JMY: variants seen among roughly 807,000 people sequenced by gnomAD.
JMY encodes junction-mediating and -regulatory protein.
In JMY, 46 loss-of-function variants were observed where a neutral mutation model predicts 103.3. The observed-to-expected ratio is 0.45, with a 90% CI of 0.35 to 0.57. The LOEUF (loss-of-function observed/expected upper bound fraction) is 0.57, where lower values mean the gene tolerates loss of function less well. Ranked by LOEUF, JMY falls within the 20% of genes least tolerant of loss-of-function variation. JMY has a pLI of 0.00. For synonymous variants in JMY, 526 were observed against 489.3 expected, an observed-to-expected ratio of 1.07 and a Z score of -0.99; for missense variants, 1,238 against 1,255.2, an observed-to-expected ratio of 0.99 and a Z score of 0.21.
intron 10 of JMY, among the ~76,000 whole-genome samples, chr5:79,318,800 A>T (rs1417642593): frequency 4.7e-5 from 1 of 21,422 alleles, no homozygotes; most frequent in Non-Finnish European, 9.9e-5. Flanking sequence ...AGAGAGAGAG[A>T]GAGGGATGCA....
chr5:79,293,927 C>T (rs1333793984), intron 4 of JMY, among the ~76,000 whole-genome samples: 2 of 152,048 alleles, frequency 1.3e-5, no homozygotes, highest in Non-Finnish European at 2.9e-5. Context: ...TATTGTTAAT[C>T]CAGGTTATCA....
chr5:79,249,319 C>T (rs989209961), intron 1 of JMY, among the ~76,000 whole-genome samples: 1 of 152,124 alleles, frequency 6.6e-6, no homozygotes, highest in African/African-American at 2.4e-5. Context: ...ACCGTGCCTG[C>T]CCTTGTGAAT....
intron 10 of JMY, among the ~76,000 whole-genome samples, chr5:79,319,186 C>T (rs1747357364): frequency 6.6e-6 from 1 of 152,216 alleles, no homozygotes; most frequent in African/African-American, 2.4e-5. Context: ...GGATGTTACT[C>T]ATAGCTTCTG....
rs1462289055 is a variant in JMY at position 79,300,789 on chromosome 5, C to T, written c.1807C>T (p.Gln603Ter). The T allele has an allele frequency of 6.2e-7, 1 of 1,611,700 alleles. No individual in the cohort carries two copies. Residue 603 changes from glutamine to a stop codon, truncating the protein, a stop_gained, in exon 6 of 11, where the codon CAG (glutamine) becomes TAG (stop). Coordinates refer to ENST00000396137, the MANE Select transcript of JMY (RefSeq NM_152405.5). LOFTEE classifies it high-confidence loss of function. The part of the protein sequence containing the change: ...YLQREELQKL[Q>*]QKARQLEARR... ...ACAGAGAGAAGAGCTGCAGAAACTT[C>T]AGCAGAAAGCACGCCAGCTGGAAGC...
chr5:79,276,226 C>A (rs1309040205), intron 1 of JMY, among the ~76,000 whole-genome samples: 1 of 152,108 alleles, frequency 6.6e-6, no homozygotes, highest in African/African-American at 2.4e-5. Flanking sequence ...TCAAGTGATT[C>A]TCCTGCCTCA....
At chr5:79,267,441 T>C (rs974738245) in intron 1 of JMY, among the ~76,000 whole-genome samples, 12 of 151,636 alleles carry the variant, frequency 7.9e-5, no homozygotes, top group African/African-American at 2.9e-4. Flanking sequence ...TTTTACTCTC[T>C]GTAGTTTGGC....
At chr5:79,302,041 C>T (rs1024626041) in intron 6 of JMY, among the ~76,000 whole-genome samples, 1 of 146,422 alleles carries the variant, frequency 6.8e-6, no homozygotes, top group African/African-American at 2.6e-5. Context: ...CAAGATGGCA[C>T]CATTGCACTC....
Position 79,284,438 on chromosome 5 carries a change from C to T in JMY, c.1207-5683C>T, listed in dbSNP as rs150645911. The T allele has an allele frequency of 2.1e-4, 316 of 1,534,028 alleles. No individual in the cohort carries two copies. The African/African-American group carries it at 3.7e-3, about 18-fold the overall frequency. On this transcript the variant is annotated intron_variant, in intron 2 of 10. Coordinates refer to ENST00000396137, the MANE Select transcript of JMY (RefSeq NM_152405.5). The stretch of plus-strand genomic sequence containing the variant: ...TTCCATCATCTTCTTCCGGATTTGG[C>T]GGACCCGTTGGTGCTGGGCATAAGA...
intron 2 of JMY, chr5:79,284,145 T>G (rs895277828): frequency 1.7e-5 from 27 of 1,556,018 alleles, no homozygotes; most frequent in Non-Finnish European, 2.3e-5. Context: ...AACAGATTCT[T>G]GGACTGGTGG....
At position 79,291,118 on chromosome 5, in the gene JMY, AATT is replaced by A; in HGVS notation, c.1358-7_1358-5del. On this transcript the variant is annotated splice_polypyrimidine_tract_variant and intron_variant, in intron 3 of 10. Transcript: ENST00000396137. ...TATTTGTCTTAATTTCTCTTTAAAA[AATT>A]ATTAATAGCTGTGTATGATCGAATG... The A allele has an allele frequency of 2.6e-6, 4 of 1,532,574 alleles. No homozygotes were observed. Among genetic ancestry groups the A allele is most frequent in the Non-Finnish European group, 3.5e-6 (4 of 1,141,822 alleles). 94.9% of individuals were successfully genotyped at this position (1,532,574 alleles called of 1,614,324 possible).
chr5:79,270,442 A>G lies in JMY; in HGVS notation c.1033-7468A>G, dbSNP rs1457272058. On this transcript the variant is annotated intron_variant, in intron 1 of 10. Transcript: ENST00000396137. Reference sequence around the variant, plus strand: ...ATATATATTTACATAAATATTTAAAATATATATTTACATAAATATTTAAAA... The same window carrying G: ...ATATATATTTACATAAATATTTAAAGTATATATTTACATAAATATTTAAAA... 9.2e-4 allele frequency among the ~76,000 whole-genome samples: 25 copies of G among 27,262 alleles called. 1 individual carries two copies. Among genetic ancestry groups the G allele is most frequent in the African/African-American group, 2.0e-3 (22 of 10,764 alleles). The allele number at this position is 27,262 out of a possible 152,430, so 17.9% of individuals were successfully genotyped here. A position where few individuals can be genotyped will look rare whatever the true frequency, so the allele number is the denominator to read the frequency against.
At chr5:79,285,184 C>CT (rs1364436235) in intron 2 of JMY, among the ~76,000 whole-genome samples, 4 of 152,134 alleles carry the variant, frequency 2.6e-5, no homozygotes, top group African/African-American at 9.7e-5. Flanking sequence ...TGCCAGTTGT[C>CT]TCCTAGTAAA....
At chr5:79,315,944 T>G in intron 9 of JMY, 56 bp from the exon 10 acceptor site, 1 of 1,464,984 alleles carries the variant, frequency 6.8e-7, no homozygotes, top group Non-Finnish European at 9.4e-7. Flanking sequence ...TTATACAGTT[T>G]CATTCTAATT....
intron 1 of JMY, among the ~76,000 whole-genome samples, chr5:79,254,373 G>C (rs1243632819): frequency 6.6e-6 from 1 of 152,084 alleles, no homozygotes; most frequent in East Asian, 1.9e-4. Context: ...GCTTTTGTCA[G>C]GGAAAGTCTT....
At chr5:79,273,051 G>A (rs570123221) in intron 1 of JMY, among the ~76,000 whole-genome samples, 70 of 152,210 alleles carry the variant, frequency 4.6e-4, no homozygotes, top group Middle Eastern at 3.4e-3. Context: ...CAGTACAGTC[G>A]TATGATTTTT....
intron 10 of JMY, among the ~76,000 whole-genome samples, chr5:79,318,174 C>CT (rs35595124): frequency 0.55 from 79,670 of 145,892 alleles, 21,519 homozygotes; most frequent in Non-Finnish European, 0.59. Context: ...GCTCTTTTTT[C>CT]TTTTTTTTTT....
chr5:79,277,644 C>CA (rs1003796753), intron 1 of JMY, among the ~76,000 whole-genome samples: 58 of 139,088 alleles, frequency 4.2e-4, no homozygotes, highest in Non-Finnish European at 5.1e-4. Context: ...GTCTCAAAAA[C>CA]AAAAAAAAAA....
At chr5:79,252,426 A>G (rs1451644141) in intron 1 of JMY, among the ~76,000 whole-genome samples, 1 of 151,996 alleles carries the variant, frequency 6.6e-6, no homozygotes, top group Non-Finnish European at 1.5e-5. Context: ...AAGGAAAAGA[A>G]CATGTATTCT....
At position 79,291,249 on chromosome 5, in the gene JMY, A is replaced by C. The variant is rs774241777; in HGVS notation, c.1477A>C (p.Arg493=). ...AVSKETLQMM[R]AKEICLEQRK... ...TTCTAAGGAAACTTTGCAGATGATGAGAGCTAAAGAGATATGCTTGGAACA... is the reference window on the plus strand; with the variant it reads ...TTCTAAGGAAACTTTGCAGATGATGCGAGCTAAAGAGATATGCTTGGAACA... Residue 493 remains arginine, a synonymous_variant, in exon 4 of 11, where the codon AGA becomes CGA. Transcript: ENST00000396137. 2.5e-5 allele frequency: 40 copies of C among 1,612,330 alleles called. No individual in the cohort carries two copies. In the African/African-American group the frequency reaches 5.3e-4, roughly 22 times the overall value.
Sources: gnomAD v4.1 joint callset for allele counts (sites outside exome capture counted in the v4.1 genomes callset) on GRCh38, gnomAD v4.1.1 for gene constraint, MANE v1.5 for transcripts, NCBI Gene and HGNC (gene_info 2026-07-23, HGNC 2026-07-21) for gene names.